Variants in TRPM6 observed in about 807,000 individuals in gnomAD.
The protein encoded by TRPM6 is channel kinase 2.
TRPM6 carries 111 observed loss-of-function variants against 247.6 expected under a neutral mutation model. That is an observed-to-expected ratio of 0.45 (90% CI 0.38 to 0.52). The LOEUF (loss-of-function observed/expected upper bound fraction) is 0.52, where lower values mean the gene tolerates loss of function less well. Ranked by LOEUF, TRPM6 falls within the 20% of genes least tolerant of loss-of-function variation. The pLI is 0.00. For missense variants in TRPM6, 2,126 were observed against 2,421.5 expected (o/e 0.88, Z 2.56); for synonymous variants, 892 against 853.8 (o/e 1.04, Z -0.78).
intron 1 of TRPM6, among the ~76,000 whole-genome samples, chr9:74,870,508 T>C (rs1830987702): frequency 6.6e-6 from 1 of 152,186 alleles, no homozygotes; most frequent in Admixed American, 6.5e-5. Flanking sequence ...AGCCTGTAGG[T>C]AATCTCTACC....
intron 27 of TRPM6, among the ~76,000 whole-genome samples, chr9:74,759,629 C>T (rs1366785929): frequency 6.6e-6 from 1 of 151,628 alleles, no homozygotes; most frequent in Non-Finnish European, 1.5e-5. Context: ...CAAAAATTAC[C>T]TCAAAATGGA....
At chr9:74,769,130 A>G (rs1435069814) in intron 25 of TRPM6, among the ~76,000 whole-genome samples, 2 of 152,136 alleles carry the variant, frequency 1.3e-5, no homozygotes, top group Non-Finnish European at 2.9e-5. Context: ...ATCTCTAAGA[A>G]GCAGGGCTAT....
intron 3 of TRPM6, among the ~76,000 whole-genome samples, chr9:74,844,980 G>A (rs1334515102): frequency 2.6e-5 from 4 of 152,130 alleles, no homozygotes; most frequent in Admixed American, 2.6e-4. Flanking sequence ...AGACAGGATC[G>A]GTCAGTGGAA....
intron 6 of TRPM6, among the ~76,000 whole-genome samples, chr9:74,832,570 G>A (rs1042768532): frequency 6.6e-6 from 1 of 152,128 alleles, no homozygotes; most frequent in African/African-American, 2.4e-5. Context: ...AATATTTATA[G>A]ATGAAATTAT....
chr9:74,839,704 CTA>C (rs1829850917), intron 5 of TRPM6, among the ~76,000 whole-genome samples: 1 of 151,950 alleles, frequency 6.6e-6, no homozygotes, highest in African/African-American at 2.4e-5. Flanking sequence ...CAGGAAAAAT[CTA>C]TGATTCTTCT....
At chr9:74,734,968 T>C (rs1161509697) in intron 36 of TRPM6, among the ~76,000 whole-genome samples, 1 of 152,102 alleles carries the variant, frequency 6.6e-6, no homozygotes, top group Non-Finnish European at 1.5e-5. Context: ...ATCCCAGCAC[T>C]TTGGGAGGCC....
At chr9:74,830,840 G>A (rs1007521055) in intron 6 of TRPM6, among the ~76,000 whole-genome samples, 8 of 128,286 alleles carry the variant, frequency 6.2e-5, no homozygotes, top group African/African-American at 1.8e-4. Flanking sequence ...CAAGCAATCC[G>A]CCGGCCTCGG....
chr9:74,754,543 G>A (rs1826372116), intron 28 of TRPM6, among the ~76,000 whole-genome samples: 1 of 152,186 alleles, frequency 6.6e-6, no homozygotes, highest in Non-Finnish European at 1.5e-5. Context: ...AAAGTGAAGG[G>A]AACGTGTAAA....
At chr9:74,858,841 A>G in intron 1 of TRPM6, 93 bp from the exon 2 acceptor site, 1 of 1,002,896 alleles carries the variant, frequency 1.0e-6, no homozygotes, top group Admixed American at 2.1e-5. Context: ...CTCAAGTATC[A>G]TGAATGCTAA....
At chr9:74,866,053 C>A (rs1339164398) in intron 1 of TRPM6, among the ~76,000 whole-genome samples, 2 of 152,176 alleles carry the variant, frequency 1.3e-5, no homozygotes, top group African/African-American at 4.8e-5. Context: ...AGAATCCCAG[C>A]ACTTTGGGAG....
intron 31 of TRPM6, among the ~76,000 whole-genome samples, chr9:74,747,585 A>G (rs538152171): frequency 6.6e-6 from 1 of 152,348 alleles, no homozygotes; most frequent in East Asian, 1.9e-4. Context: ...ATGTGTGAAA[A>G]AACAAAAGGA....
chr9:74,788,840 A>T, intron 19 of TRPM6, 98 bp from the exon 20 acceptor site: 1 of 1,423,772 alleles, frequency 7.0e-7, no homozygotes, highest in Non-Finnish European at 9.7e-7. Flanking sequence ...ATGAACTTCA[A>T]CATGATAACA....
At position 74,782,778 on chromosome 9, in the gene TRPM6, G is replaced by C; in HGVS notation, c.2995C>G (p.Leu999Val). ...LSFGVARKAI[L>V]SPKEPPSWSL... ...CAAGATGGTGGCTCTTTTGGCGAAAGGATGGCCTTGCGTGCCACTCCAAAG... is the reference window on the plus strand; with the variant it reads ...CAAGATGGTGGCTCTTTTGGCGAAACGATGGCCTTGCGTGCCACTCCAAAG... Residue 999 changes from leucine to valine, a missense_variant, in exon 22 of 39, where the codon CTT becomes GTT. Physicochemically the swap from Leu to Val is conservative, Grantham distance 32. Transcript: ENST00000360774. 6.2e-7 allele frequency: 1 copy of C among 1,614,124 alleles called. No homozygotes were observed. Among genetic ancestry groups the C allele is most frequent in the South Asian group, 1.1e-5 (1 of 91,090 alleles).
intron 4 of TRPM6, among the ~76,000 whole-genome samples, chr9:74,840,754 T>G (rs934795775): frequency 6.7e-6 from 1 of 148,828 alleles, no homozygotes; most frequent in Non-Finnish European, 1.5e-5. Flanking sequence ...GAGGCGGAGG[T>G]TGCAGTGAGC....
rs1268024204 is a variant in TRPM6 at position 74,800,421 on chromosome 9, C to T, written c.2071G>A (p.Ala691Thr). Residue 691 changes from alanine to threonine, a missense_variant, in exon 17 of 39, where the codon GCC becomes ACC. By Grantham distance (58) the Ala-to-Thr change is moderately conservative. Around this residue, in one of 3 missense-constraint regions of TRPM6, gnomAD observed 1,082 missense variants for 1,307.9 expected, o/e 0.83. Coordinates refer to ENST00000360774, the MANE Select transcript of TRPM6 (RefSeq NM_017662.5). ...EKAFKQNERMAMTLLTYELRN... is the reference protein window; with the variant it reads ...EKAFKQNERMTMTLLTYELRN... Reference sequence around the variant, plus strand: ...AGTTCATACGTCAACAGCGTCATGGCCATGCGCTCATTCTGCTTGAATGCC... The same window carrying T: ...AGTTCATACGTCAACAGCGTCATGGTCATGCGCTCATTCTGCTTGAATGCC... The T allele has an allele frequency of 6.2e-7, 1 of 1,613,980 alleles. No individual in the cohort carries two copies. Among genetic ancestry groups the T allele is most frequent in the Middle Eastern group, 1.6e-4 (1 of 6,062 alleles).
At chr9:74,804,923 G>A (rs1828480843) in intron 14 of TRPM6, 2 of 302,590 alleles carry the variant, frequency 6.6e-6, no homozygotes, top group South Asian at 1.8e-4. Context: ...GGAAAATAAA[G>A]TTTAAAGAGG....
At chr9:74,824,344 G>A (rs1829251764) in intron 7 of TRPM6, among the ~76,000 whole-genome samples, 1 of 151,370 alleles carries the variant, frequency 6.6e-6, no homozygotes, top group Admixed American at 6.6e-5. Context: ...TAGAGACGGG[G>A]TTTCACCATG....
rs1262129227 is a variant in TRPM6, at chr9:74,723,955, T to A, written c.*658A>T. 1 of 149,934 alleles carries A rather than the reference T, an allele frequency of 6.7e-6. No individual in the cohort carries two copies. Among genetic ancestry groups the A allele is most frequent in the Non-Finnish European group, 1.5e-5 (1 of 67,722 alleles). The allele number at this position is 149,934 out of a possible 1,614,324, so 9.3% of individuals were successfully genotyped here. The stretch of plus-strand genomic sequence containing the variant: ...TATGGAAGGGTATTTGTTTTAGGTT[T>A]CCCTTTCTTTTACAGAAACCTGAAA... On this transcript the variant is annotated 3_prime_UTR_variant, in exon 39 of 39. Coordinates refer to ENST00000360774, the MANE Select transcript of TRPM6 (RefSeq NM_017662.5).
intron 1 of TRPM6, among the ~76,000 whole-genome samples, chr9:74,876,848 C>G (rs937868817): frequency 6.6e-6 from 1 of 152,154 alleles, no homozygotes; most frequent in Admixed American, 6.5e-5. Context: ...GTCATGAACC[C>G]TTAGAAACTG....
Sources: gnomAD v4.1 joint callset for allele counts (sites outside exome capture counted in the v4.1 genomes callset) on GRCh38, gnomAD v4.1.1 for gene constraint, gnomAD v4.1.1 regional missense constraint, MANE v1.5 for transcripts, NCBI Gene and HGNC (gene_info 2026-07-23, HGNC 2026-07-21) for gene names.